SCAPER: variants seen among roughly 807,000 people sequenced by gnomAD.
The protein encoded by SCAPER is S phase cyclin A-associated protein in the endoplasmic reticulum.
In SCAPER, 98 loss-of-function variants were observed where a neutral mutation model predicts 182.2. That is an observed-to-expected ratio of 0.54 (90% CI 0.46 to 0.64). The LOEUF (loss-of-function observed/expected upper bound fraction) is 0.64. Among genes scored for constraint, SCAPER ranks in the 30% least tolerant of loss-of-function variants. SCAPER has a pLI of 0.00. For missense variants in SCAPER, 1,432 were observed against 1,690.0 expected, an observed-to-expected ratio of 0.85 and a Z score of 2.68; for synonymous variants, 605 against 564.6, an observed-to-expected ratio of 1.07 and a Z score of -1.01.
At chr15:76,828,986 A>G (rs1004337326) in intron 5 of SCAPER, among the ~76,000 whole-genome samples, 3 of 152,236 alleles carry the variant, frequency 2.0e-5, no homozygotes, top group African/African-American at 4.8e-5. Context: ...TCCTTGTATG[A>G]TAAGGACACA....
intron 17 of SCAPER, among the ~76,000 whole-genome samples, chr15:76,716,356 C>A (rs1254936004): frequency 6.6e-6 from 1 of 152,030 alleles, no homozygotes; most frequent in Admixed American, 6.6e-5. Context: ...GATATGACTG[C>A]ACTATCAGAT....
At chr15:76,890,237 C>T (rs547642209) in intron 1 of SCAPER, among the ~76,000 whole-genome samples, 1 of 152,178 alleles carries the variant, frequency 6.6e-6, no homozygotes, top group South Asian at 2.1e-4. Context: ...AATCTGCACC[C>T]TAACAACACA....
chr15:76,675,828 T>C (rs2057337141), intron 20 of SCAPER, among the ~76,000 whole-genome samples: 1 of 151,320 alleles, frequency 6.6e-6, no homozygotes, highest in Non-Finnish European at 1.5e-5. Context: ...TCCATGAAAC[T>C]GGTTTTTTTT....
intron 27 of SCAPER, among the ~76,000 whole-genome samples, chr15:76,397,540 G>A (rs1443258930): frequency 7.1e-6 from 1 of 140,172 alleles, no homozygotes; most frequent in Non-Finnish European, 1.5e-5. Flanking sequence ...GAGTGCAGTG[G>A]CGTGATCTTG....
At chr15:76,859,240 C>A (rs2071670990) in intron 3 of SCAPER, among the ~76,000 whole-genome samples, 1 of 152,222 alleles carries the variant, frequency 6.6e-6, no homozygotes, top group Non-Finnish European at 1.5e-5. Flanking sequence ...CCATAACACA[C>A]AGGTACCTAA....
intron 24 of SCAPER, among the ~76,000 whole-genome samples, chr15:76,489,690 G>GTATAA (rs2052083700): frequency 6.6e-6 from 1 of 152,072 alleles, no homozygotes; most frequent in South Asian, 2.1e-4. Context: ...ATTTTTAAGT[G>GTATAA]TATAATACAA....
At chr15:76,782,013 G>A (rs1465420964) in intron 8 of SCAPER, among the ~76,000 whole-genome samples, 2 of 152,122 alleles carry the variant, frequency 1.3e-5, no homozygotes, top group African/African-American at 4.8e-5. Flanking sequence ...ACATCATAAT[G>A]ACAGGATCAA....
intron 8 of SCAPER, among the ~76,000 whole-genome samples, chr15:76,775,330 T>G (rs1598651169): frequency 6.6e-6 from 1 of 152,112 alleles, no homozygotes; most frequent in East Asian, 1.9e-4. Flanking sequence ...AAACTGAAAT[T>G]CAGATTAAGG....
At chr15:76,751,005 A>G (rs2062055123) in intron 15 of SCAPER, among the ~76,000 whole-genome samples, 1 of 151,744 alleles carries the variant, frequency 6.6e-6, no homozygotes, top group Non-Finnish European at 1.5e-5. Context: ...CCACCAAAAA[A>G]AATTGTTAGA....
At chr15:76,483,538 G>A (rs893560365) in intron 24 of SCAPER, among the ~76,000 whole-genome samples, 2 of 152,048 alleles carry the variant, frequency 1.3e-5, no homozygotes, top group Admixed American at 1.3e-4. Context: ...TCTGTGAAAA[G>A]CACTGTTAAG....
chr15:76,490,940 G>A (rs777477492), intron 24 of SCAPER, among the ~76,000 whole-genome samples: 17 of 152,066 alleles, frequency 1.1e-4, no homozygotes, highest in Middle Eastern at 3.2e-3. Context: ...AAGATCAGCT[G>A]ACTCCATCTG....
At chr15:76,735,621 G>A (rs2061210178) in intron 15 of SCAPER, among the ~76,000 whole-genome samples, 1 of 146,612 alleles carries the variant, frequency 6.8e-6, no homozygotes, top group Admixed American at 7.1e-5. Flanking sequence ...AGAATCGCTT[G>A]AACATGGGAG....
At chr15:76,798,979 T>C (rs908107209) in intron 7 of SCAPER, among the ~76,000 whole-genome samples, 2 of 152,194 alleles carry the variant, frequency 1.3e-5, no homozygotes, top group East Asian at 1.9e-4. Context: ...AAGAAAACTA[T>C]ACAGGTAACC....
chr15:76,636,959 T>C (rs1479686632), intron 21 of SCAPER, among the ~76,000 whole-genome samples: 1 of 152,158 alleles, frequency 6.6e-6, no homozygotes, highest in Non-Finnish European at 1.5e-5. Flanking sequence ...AAGATAACTT[T>C]AGCATTATTC....
chr15:76,825,410 G>A (rs961481882), intron 5 of SCAPER, among the ~76,000 whole-genome samples: 2 of 152,076 alleles, frequency 1.3e-5, no homozygotes, highest in African/African-American at 4.8e-5. Flanking sequence ...CCTCCTACGG[G>A]CCGTATCAAG....
At chr15:76,795,174 T>C (rs1307923337) in intron 8 of SCAPER, 106 bp downstream of exon 8, 3 of 1,027,598 alleles carry the variant, frequency 2.9e-6, no homozygotes, top group Non-Finnish European at 4.2e-6. Context: ...AAATTAATAT[T>C]ACGTATGTTG....
intron 5 of SCAPER, among the ~76,000 whole-genome samples, chr15:76,812,443 A>G (rs1598867909): frequency 6.7e-6 from 1 of 149,846 alleles, no homozygotes; most frequent in African/African-American, 2.4e-5. Context: ...AGCCACGACT[A>G]TGCAACTGCA....
At chr15:76,727,850 A>G (rs916613840) in intron 17 of SCAPER, among the ~76,000 whole-genome samples, 1 of 152,022 alleles carries the variant, frequency 6.6e-6, no homozygotes, top group East Asian at 1.9e-4. Context: ...CCTAAACATC[A>G]ATAAGAAAAA....
chr15:76,585,451 CTG>C (rs2048576275), intron 22 of SCAPER, among the ~76,000 whole-genome samples: 2 of 152,144 alleles, frequency 1.3e-5, no homozygotes, highest in South Asian at 4.1e-4. Flanking sequence ...GTGAACTTCA[CTG>C]TGTGATAGGT....
Sources: allele counts gnomAD v4.1 joint callset (sites outside exome capture counted in the v4.1 genomes callset), GRCh38; gene constraint gnomAD v4.1.1; transcripts MANE v1.5; gene names NCBI Gene and HGNC (gene_info 2026-07-23, HGNC 2026-07-21).